DYNC1I1: variants seen among roughly 807,000 people sequenced by gnomAD.
The protein encoded by DYNC1I1 is cytoplasmic dynein 1 intermediate chain 1.
In DYNC1I1, 43 loss-of-function variants were observed where a neutral mutation model predicts 86.6. The observed-to-expected ratio is 0.50, with a 90% CI of 0.39 to 0.64. DYNC1I1 has a LOEUF of 0.64. Ranked by LOEUF, DYNC1I1 falls within the 30% of genes least tolerant of loss-of-function variation. The pLI, the probability that DYNC1I1 is intolerant of heterozygous loss-of-function variation, is 0.00. For missense variants in DYNC1I1, 604 were observed against 788.8 expected, an observed-to-expected ratio of 0.77 and a Z score of 2.81; for synonymous variants, 262 against 283.7, an observed-to-expected ratio of 0.92 and a Z score of 0.77.
intron 15 of DYNC1I1, among the ~76,000 whole-genome samples, chr7:96,078,836 A>T (rs1353597102): frequency 6.6e-6 from 1 of 152,132 alleles, no homozygotes; most frequent in Non-Finnish European, 1.5e-5. Context: ...TGAATCACAG[A>T]TTTGTTTTCT....
At chr7:95,934,459 TA>T (rs1791985377) in intron 6 of DYNC1I1, among the ~76,000 whole-genome samples, 1 of 152,190 alleles carries the variant, frequency 6.6e-6, no homozygotes, top group African/African-American at 2.4e-5. Flanking sequence ...GCTGAACTTA[TA>T]AAATACTGAA....
In DYNC1I1 at chr7:95,859,337, G is replaced by A. The variant is rs527421840; in HGVS notation, c.375-10546G>A. On this transcript the variant is annotated intron_variant, in intron 5 of 16. Coordinates refer to ENST00000447467, the MANE Select transcript of DYNC1I1 (RefSeq NM_001135556.2). ...TCCTTTTCTGTAGGGTCAGTCACTGGCACATTATTTTGACCCTTTGGGAAT... is the reference window on the plus strand; with the variant it reads ...TCCTTTTCTGTAGGGTCAGTCACTGACACATTATTTTGACCCTTTGGGAAT... Among the ~76,000 whole-genome samples the A allele has an allele frequency of 2.4e-4, 37 of 152,042 alleles. No homozygotes were observed. The Middle Eastern group carries it at 0.014, about 56-fold the overall frequency.
intron 5 of DYNC1I1, among the ~76,000 whole-genome samples, chr7:95,859,415 G>T (rs1454145884): frequency 2.0e-5 from 3 of 152,154 alleles, no homozygotes; most frequent in Non-Finnish European, 4.4e-5. Context: ...CAGTGTCTGT[G>T]CATTTGAAGG....
chr7:95,983,382 C>T (rs1793502872), intron 7 of DYNC1I1, among the ~76,000 whole-genome samples: 1 of 152,132 alleles, frequency 6.6e-6, no homozygotes, highest in African/African-American at 2.4e-5. Context: ...ATGGATGAAT[C>T]ACGTGTTGCC....
At chr7:95,873,533 G>T (rs1259089913) in intron 6 of DYNC1I1, among the ~76,000 whole-genome samples, 1 of 152,176 alleles carries the variant, frequency 6.6e-6, no homozygotes, top group African/African-American at 2.4e-5. Context: ...TAGACCAATA[G>T]AGACTTTCTT....
intron 15 of DYNC1I1, among the ~76,000 whole-genome samples, chr7:96,078,037 C>T (rs1263113654): frequency 6.6e-6 from 1 of 152,098 alleles, no homozygotes; most frequent in Non-Finnish European, 1.5e-5. Context: ...GAACCGAACA[C>T]TTTTTAAAAC....
intron 14 of DYNC1I1, among the ~76,000 whole-genome samples, chr7:96,060,905 C>A (rs1365029760): frequency 6.6e-6 from 1 of 151,844 alleles, no homozygotes; most frequent in Admixed American, 6.6e-5. Flanking sequence ...AAGGCAGACA[C>A]AAAGGCAGCC....
chr7:95,922,179 C>G (rs1791627051), intron 6 of DYNC1I1, among the ~76,000 whole-genome samples: 4 of 152,026 alleles, frequency 2.6e-5, no homozygotes, highest in Admixed American at 6.6e-5. Context: ...TCGCATTTTT[C>G]TTCAGGATTT....
chr7:95,958,426 A>G (rs1334561179), intron 6 of DYNC1I1, among the ~76,000 whole-genome samples: 1 of 152,196 alleles, frequency 6.6e-6, no homozygotes, highest in Non-Finnish European at 1.5e-5. Flanking sequence ...CTCTGTCTCT[A>G]CAAATGTTTT....
chr7:96,008,411 C>CA (rs201613886), intron 10 of DYNC1I1, among the ~76,000 whole-genome samples: 23 of 149,580 alleles, frequency 1.5e-4, no homozygotes, highest in Middle Eastern at 3.5e-3. Flanking sequence ...AAGAGAAATA[C>CA]AAAAAAAAAG....
At chr7:95,833,895 A>G (rs1788995737) in intron 5 of DYNC1I1, among the ~76,000 whole-genome samples, 1 of 149,904 alleles carries the variant, frequency 6.7e-6, no homozygotes, top group African/African-American at 2.5e-5. Flanking sequence ...TTTTCTAGAT[A>G]TACAATCATG....
chr7:96,093,584 A>C (rs1228320266), intron 16 of DYNC1I1, among the ~76,000 whole-genome samples: 1 of 152,196 alleles, frequency 6.6e-6, no homozygotes, highest in African/African-American at 2.4e-5. Flanking sequence ...TTAGCAAAAA[A>C]TTAGAAAACA....
chr7:96,039,130 C>A, intron 13 of DYNC1I1, 147 bp from the exon 14 acceptor site: 2 of 841,486 alleles, frequency 2.4e-6, no homozygotes, highest in Non-Finnish European at 3.5e-6. Context: ...TTCAGGATAA[C>A]TGTAAAAATG....
intron 14 of DYNC1I1, 91 bp from the exon 15 acceptor site, chr7:96,075,964 CTT>C: frequency 6.6e-7 from 1 of 1,516,206 alleles, no homozygotes; most frequent in South Asian, 1.3e-5. Flanking sequence ...TTTTATGACA[CTT>C]TGTGAATGTG....
intron 16 of DYNC1I1, among the ~76,000 whole-genome samples, chr7:96,088,133 T>C (rs1790739125): frequency 6.6e-6 from 1 of 152,134 alleles, no homozygotes; most frequent in Non-Finnish European, 1.5e-5. Flanking sequence ...ATTATATAAA[T>C]AGTGTGCTTA....
At chr7:95,854,518 AT>A (rs1789665528) in intron 5 of DYNC1I1, among the ~76,000 whole-genome samples, 1 of 152,004 alleles carries the variant, frequency 6.6e-6, no homozygotes, top group Non-Finnish European at 1.5e-5. Context: ...TTCTCTTGTT[AT>A]TTTTAATAGT....
At chr7:95,976,532 T>C (rs1200432430) in intron 6 of DYNC1I1, among the ~76,000 whole-genome samples, 1 of 152,160 alleles carries the variant, frequency 6.6e-6, no homozygotes, top group African/African-American at 2.4e-5. Flanking sequence ...TCTACAGAGC[T>C]TGAGATTTTA....
At chr7:95,923,017 A>C (rs1791651722) in intron 6 of DYNC1I1, among the ~76,000 whole-genome samples, 1 of 152,138 alleles carries the variant, frequency 6.6e-6, no homozygotes, top group Admixed American at 6.6e-5. Context: ...AATTAATTTC[A>C]ATTAAAATTT....
chr7:96,007,388 A>G (rs918568408), intron 10 of DYNC1I1, among the ~76,000 whole-genome samples: 2 of 152,236 alleles, frequency 1.3e-5, no homozygotes, highest in African/African-American at 4.8e-5. Context: ...CAAGCCATAA[A>G]TATATTACAT....
Sources: allele counts gnomAD v4.1 joint callset (sites outside exome capture counted in the v4.1 genomes callset), GRCh38; gene constraint gnomAD v4.1.1; transcripts MANE v1.5; gene names NCBI Gene and HGNC (gene_info 2026-07-23, HGNC 2026-07-21).